SHANK2: variants seen among roughly 807,000 people sequenced by gnomAD.
The protein encoded by SHANK2 is SH3 and multiple ankyrin repeat domains 2.
SHANK2 carries 43 observed loss-of-function variants against 133.7 expected under a neutral mutation model. The ratio of observed to expected loss-of-function variants is 0.32; its 90% confidence interval spans 0.25 to 0.41. SHANK2 has a LOEUF of 0.41. Ranked by LOEUF, SHANK2 falls within the 10% of genes least tolerant of loss-of-function variation. SHANK2 has a pLI of 1.00. For missense variants in SHANK2, 1,994 were observed against 2,235.8 expected (o/e 0.89, Z 2.18); for synonymous variants, 1,017 against 952.8 (o/e 1.07, Z -1.24).
chr11:70,672,616 C>T (rs1158378926), intron 15 of SHANK2, among the ~76,000 whole-genome samples: 13 of 152,260 alleles, frequency 8.5e-5, no homozygotes, highest in African/African-American at 3.1e-4. Flanking sequence ...CAGAGATGGG[C>T]CTTGCCGCCT....
intron 15 of SHANK2, among the ~76,000 whole-genome samples, chr11:70,684,098 T>G (rs1945091930): frequency 6.6e-6 from 1 of 152,092 alleles, no homozygotes; most frequent in Admixed American, 6.6e-5. Context: ...ATGCATAGTT[T>G]TGAATAAATG....
chr11:70,843,395 G>A (rs1204887127), intron 11 of SHANK2, among the ~76,000 whole-genome samples: 6 of 151,998 alleles, frequency 3.9e-5, no homozygotes, highest in African/African-American at 1.5e-4. Flanking sequence ...CTTTTGGGAA[G>A]AGTTTATGGA....
At chr11:70,497,330 T>A (rs1439295344) in intron 21 of SHANK2, among the ~76,000 whole-genome samples, 2 of 152,200 alleles carry the variant, frequency 1.3e-5, no homozygotes, top group Admixed American at 6.5e-5. Context: ...TTATGCTTAA[T>A]TTATAAAAGC....
intron 13 of SHANK2, among the ~76,000 whole-genome samples, chr11:70,801,507 C>T (rs189418087): frequency 3.9e-5 from 6 of 152,292 alleles, no homozygotes; most frequent in South Asian, 2.1e-4. Context: ...AGAACATCTG[C>T]GTCCAGGTAG....
intron 17 of SHANK2, among the ~76,000 whole-genome samples, chr11:70,528,503 C>T (rs569601932): frequency 6.6e-5 from 10 of 152,236 alleles, no homozygotes; most frequent in East Asian, 1.9e-4. Context: ...CCGTTTACTG[C>T]GCAGTGTTCA....
At chr11:70,759,422 C>T (rs959455742) in intron 14 of SHANK2, among the ~76,000 whole-genome samples, 1 of 152,050 alleles carries the variant, frequency 6.6e-6, no homozygotes. Context: ...GCGGAGGTTG[C>T]AGTGAGCCCA....
chr11:70,912,306 C>G (rs1950207026), intron 10 of SHANK2, among the ~76,000 whole-genome samples: 1 of 151,960 alleles, frequency 6.6e-6, no homozygotes, highest in South Asian at 2.1e-4. Flanking sequence ...TAAAATTGGA[C>G]TAGTTGGGTG....
chr11:70,574,679 G>A (rs573197601), intron 17 of SHANK2, among the ~76,000 whole-genome samples: 4 of 152,102 alleles, frequency 2.6e-5, no homozygotes, highest in Non-Finnish European at 4.4e-5. Flanking sequence ...GGAGGGGCTG[G>A]CTCTGATGGG....
At position 70,928,970 on chromosome 11, in the gene SHANK2, C is replaced by G. The variant is rs527960444; in HGVS notation, c.1108-32403G>C. Among the ~76,000 whole-genome samples, 16 of 152,278 alleles carry G rather than the reference C, an allele frequency of 1.1e-4. 1 individual carries two copies. In the Middle Eastern group the frequency reaches 0.017, roughly 162 times the overall value. ...AAGCAGACAAATGGTAATGCAGACC[C>G]TGGGGGAGTGCAGACCTGTGGAGGT... is the stretch of plus-strand genomic sequence containing the variant. On this transcript the variant is annotated intron_variant, in intron 10 of 25. Transcript: ENST00000601538.
At chr11:71,224,386 C>A (rs1954606908) in intron 2 of SHANK2, among the ~76,000 whole-genome samples, 1 of 152,162 alleles carries the variant, frequency 6.6e-6, no homozygotes, top group African/African-American at 2.4e-5. Context: ...CTGGAAGCAC[C>A]TGCACCACTC....
chr11:71,134,853 A>G (rs1215818361), intron 3 of SHANK2, among the ~76,000 whole-genome samples: 2 of 152,082 alleles, frequency 1.3e-5, no homozygotes, highest in East Asian at 3.9e-4. Flanking sequence ...CCCAGCCTCC[A>G]GCACCATTTA....
At chr11:71,199,163 G>A (rs1953971004) in intron 2 of SHANK2, among the ~76,000 whole-genome samples, 1 of 152,196 alleles carries the variant, frequency 6.6e-6, no homozygotes, top group Non-Finnish European at 1.5e-5. Flanking sequence ...CTGTAGGCCA[G>A]CGTTCTCAGC....
chr11:70,850,588 C>T (rs868917601), intron 11 of SHANK2, among the ~76,000 whole-genome samples: 2 of 152,226 alleles, frequency 1.3e-5, no homozygotes, highest in Non-Finnish European at 2.9e-5. Context: ...TCACCATGCA[C>T]GCCCGAGCTG....
chr11:70,761,071 T>C (rs1946987145), intron 14 of SHANK2, among the ~76,000 whole-genome samples: 1 of 152,126 alleles, frequency 6.6e-6, no homozygotes, highest in Non-Finnish European at 1.5e-5. Context: ...CCCTCCTCTA[T>C]CAGTGTGCTG....
intron 3 of SHANK2, among the ~76,000 whole-genome samples, chr11:71,146,684 G>A (rs1256169644): frequency 6.6e-6 from 1 of 152,210 alleles, no homozygotes; most frequent in Non-Finnish European, 1.5e-5. Flanking sequence ...GGGATGCTGG[G>A]CCTCTGGCAC....
At chr11:70,943,151 G>A (rs1950671416) in intron 10 of SHANK2, 2 of 451,546 alleles carry the variant, frequency 4.4e-6, no homozygotes, top group East Asian at 7.0e-5. Flanking sequence ...TCACCTGGCT[G>A]GAGAGACATC....
intron 17 of SHANK2, among the ~76,000 whole-genome samples, chr11:70,655,849 C>T (rs2061399310): frequency 6.6e-6 from 1 of 152,126 alleles, no homozygotes; most frequent in South Asian, 2.1e-4. Context: ...CCTTGCCTGC[C>T]TGTTGGGACC....
At chr11:71,074,518 G>T (rs1951192970) in intron 9 of SHANK2, among the ~76,000 whole-genome samples, 1 of 152,148 alleles carries the variant, frequency 6.6e-6, no homozygotes, top group Non-Finnish European at 1.5e-5. Flanking sequence ...GTGTTTTGCT[G>T]CAGTCCACAA....
At chr11:70,872,880 G>A (rs1949492798) in intron 11 of SHANK2, 2 of 389,500 alleles carry the variant, frequency 5.1e-6, no homozygotes, top group Non-Finnish European at 1.1e-5. Context: ...GGGACCCCAC[G>A]ATGCCCTGTA....
Sources: gnomAD v4.1 joint callset for allele counts (sites outside exome capture counted in the v4.1 genomes callset) on GRCh38, gnomAD v4.1.1 for gene constraint, MANE v1.5 for transcripts, NCBI Gene and HGNC (gene_info 2026-07-23, HGNC 2026-07-21) for gene names.